Variants in ANO1 observed in about 807,000 individuals in gnomAD.
The protein encoded by ANO1 is anoctamin 1.
Under a neutral mutation model 124.0 loss-of-function variants are expected in ANO1, and 59 were observed. The observed-to-expected ratio is 0.48, with a 90% CI of 0.39 to 0.59. The LOEUF (loss-of-function observed/expected upper bound fraction) is 0.59, where lower values mean the gene tolerates loss of function less well. Among genes scored for constraint, ANO1 ranks in the 20% least tolerant of loss-of-function variants. The probability of loss-of-function intolerance (pLI) is 0.00; values close to 1 mark genes in which losing one functional copy is unlikely to be tolerated. For missense variants in ANO1, 1,059 were observed against 1,328.0 expected (o/e 0.80, Z 3.15); for synonymous variants, 529 against 532.0 (o/e 0.99, Z 0.08).
At chr11:70,054,852 AG>A (rs1411965275) in intron 1 of ANO1, among the ~76,000 whole-genome samples, 2 of 152,178 alleles carry the variant, frequency 1.3e-5, no homozygotes, top group Non-Finnish European at 1.5e-5. Flanking sequence ...ATTAATTTTC[AG>A]CCTTCTTTTT....
chr11:70,053,094 G>A (rs1334889876), intron 1 of ANO1, among the ~76,000 whole-genome samples: 1 of 152,102 alleles, frequency 6.6e-6, no homozygotes, highest in Non-Finnish European at 1.5e-5. Flanking sequence ...ACTTTTGAGT[G>A]TTAATCTTGT....
chr11:70,150,615 G>T (rs182262906), intron 12 of ANO1, among the ~76,000 whole-genome samples: 1 of 152,238 alleles, frequency 6.6e-6, no homozygotes, highest in Admixed American at 6.5e-5. Context: ...GCTCACTGCA[G>T]CCTTGACCTC....
intron 22 of ANO1, among the ~76,000 whole-genome samples, chr11:70,178,446 ACTC>A (rs1379824699): frequency 6.6e-6 from 1 of 151,858 alleles, no homozygotes; most frequent in South Asian, 2.1e-4. Context: ...GCTACAATAA[ACTC>A]CTCATCTGGG....
chr11:69,974,571 T>C, the ANO1 span, among the ~76,000 whole-genome samples: 1 of 152,204 alleles, frequency 6.6e-6, no homozygotes, highest in Non-Finnish European at 1.5e-5. Flanking sequence ...AACCTCATGC[T>C]CTTGGCCCTG....
chr11:70,067,851 A>G (rs1857770602), intron 1 of ANO1, among the ~76,000 whole-genome samples: 1 of 152,196 alleles, frequency 6.6e-6, no homozygotes, highest in South Asian at 2.1e-4. Flanking sequence ...CTCCCTGTGC[A>G]AAGTCTTCCG....
At chr11:70,171,184 G>A (rs146489352) in intron 22 of ANO1, 145 bp downstream of exon 22, 2 of 1,203,396 alleles carry the variant, frequency 1.7e-6, no homozygotes, top group East Asian at 2.6e-5. Context: ...GGTGGAGCCT[G>A]GGGGCAGGTG....
chr11:69,993,602 C>T (rs1414556864), intron 1 of ANO1, among the ~76,000 whole-genome samples: 5 of 152,202 alleles, frequency 3.3e-5, no homozygotes, highest in African/African-American at 7.2e-5. Context: ...ATCCCTTATT[C>T]AAGTCACAAA....
At chr11:70,085,384 C>G in intron 1 of ANO1, 1 of 1,483,228 alleles carries the variant, frequency 6.7e-7, no homozygotes, top group Non-Finnish European at 9.0e-7. Flanking sequence ...CACCCTCAGA[C>G]TTTGTCACAG....
At chr11:70,129,013 T>C (rs2515271) in intron 10 of ANO1, among the ~76,000 whole-genome samples, 148,088 of 152,286 alleles carry the variant, frequency 0.97, 72,132 homozygotes, top group East Asian at 1. Context: ...CTGGCGATGA[T>C]GGGGATGGCC....
At chr11:70,078,152 G>T (rs1049600981), upstream of ANO1, 2 of 152,376 alleles carry the variant, frequency 1.3e-5, no homozygotes, top group Non-Finnish European at 2.9e-5. Flanking sequence ...AAATCCAAAG[G>T]GGCACTTTCC....
the ANO1 span, among the ~76,000 whole-genome samples, chr11:69,978,612 A>G: frequency 1.3e-5 from 2 of 152,140 alleles, no homozygotes; most frequent in Non-Finnish European, 2.9e-5. Flanking sequence ...TGGCCTCCCA[A>G]AGTGCTGGGA....
intron 1 of ANO1, among the ~76,000 whole-genome samples, chr11:69,987,256 T>C (rs1227219639): frequency 6.6e-6 from 1 of 152,216 alleles, no homozygotes; most frequent in Non-Finnish European, 1.5e-5. Context: ...CCTGCCTTCC[T>C]GAGCGGCTTC....
intron 4 of ANO1, among the ~76,000 whole-genome samples, chr11:70,105,385 T>C (rs2045478578): frequency 6.6e-6 from 1 of 151,946 alleles, no homozygotes; most frequent in Admixed American, 6.5e-5. Flanking sequence ...TCCCCCGCCT[T>C]GTTGAAACAG....
intron 11 of ANO1, among the ~76,000 whole-genome samples, chr11:70,144,378 G>A (rs1011869678): frequency 1.3e-5 from 2 of 152,112 alleles, no homozygotes; most frequent in Non-Finnish European, 2.9e-5. Flanking sequence ...ACCGCTTGTG[G>A]ATGAAGTCAG....
rs113196848 is a variant in ANO1, at chr11:70,125,275, G to A, written c.963-786G>A. Among the ~76,000 whole-genome samples, 283 of 151,960 alleles carry A rather than the reference G, an allele frequency of 1.9e-3. 3 individuals are homozygous for A. The highest frequency in any genetic ancestry group is 5.5e-3 in the African/African-American group (228 of 41,428). ...GGAGAATCGCTTGAACCCGAGAGGC[G>A]GAGGTTGCAGTGAGCCGAGATCGCG... On this transcript the variant is annotated intron_variant, in intron 9 of 25. Coordinates refer to ENST00000355303, the MANE Select transcript of ANO1 (RefSeq NM_018043.7).
chr11:70,094,449 G>A (rs1256848440), intron 2 of ANO1, among the ~76,000 whole-genome samples: 2 of 152,210 alleles, frequency 1.3e-5, no homozygotes, highest in Non-Finnish European at 2.9e-5. Context: ...AATCGGGGGT[G>A]GGGGCCTGGA....
chr11:69,991,334 G>T (rs929854940), intron 1 of ANO1, among the ~76,000 whole-genome samples: 2 of 152,178 alleles, frequency 1.3e-5, no homozygotes, highest in Non-Finnish European at 2.9e-5. Context: ...ATTTGAACTT[G>T]GGGTAGGTTT....
Position 70,087,988 on chromosome 11 carries a change from C to A in ANO1, c.345C>A (p.Pro115=), listed in dbSNP as rs538931485. 2 of 1,569,164 alleles carry A rather than the reference C, an allele frequency of 1.3e-6. No individual in the cohort carries two copies. The highest frequency in any genetic ancestry group is 1.7e-6 in the Non-Finnish European group (2 of 1,156,472). The change falls in exon 2 of 26, where the codon CCC becomes CCA. Residue 115 remains proline (P), a synonymous_variant. Coordinates refer to ENST00000355303, the MANE Select transcript of ANO1 (RefSeq NM_018043.7). ...CGCTGGATGCAGGCTCGGGGGAGCC[C>A]CCGATGGACTACCACGAGGATGACA... The part of the protein sequence containing the change: ...GASLDAGSGE[P]PMDYHEDDKR...
chr11:70,168,246 G>A (rs190041126), intron 21 of ANO1, among the ~76,000 whole-genome samples: 55 of 152,160 alleles, frequency 3.6e-4, no homozygotes, highest in African/African-American at 9.2e-4. Flanking sequence ...AGCTCAGGCC[G>A]CCCCAGGGCC....
Sources: allele counts gnomAD v4.1 joint callset (sites outside exome capture counted in the v4.1 genomes callset), GRCh38; gene constraint gnomAD v4.1.1; transcripts MANE v1.5; gene names NCBI Gene and HGNC (gene_info 2026-07-23, HGNC 2026-07-21).